SMU1: variants seen among roughly 807,000 people sequenced by gnomAD.
SMU1 encodes WD40 repeat-containing protein SMU1.
Under a neutral mutation model 62.0 loss-of-function variants are expected in SMU1, and 2 were observed. The ratio of observed to expected loss-of-function variants is 0.03; its 90% CI spans 0.01 to 0.10. The LOEUF (loss-of-function observed/expected upper bound fraction) is 0.10. Ranked by LOEUF, SMU1 falls within the 10% of genes least tolerant of loss-of-function variation. SMU1 has a pLI of 1.00. For missense variants in SMU1, 227 were observed against 622.1 expected (o/e 0.36, Z 6.76); for synonymous variants, 188 against 212.4 (o/e 0.89, Z 1.00).
At chr9:33,060,289 G>C (rs1839348778) in intron 6 of SMU1, among the ~76,000 whole-genome samples, 176 bp downstream of exon 6, 1 of 152,162 alleles carries the variant, frequency 6.6e-6, no homozygotes, top group South Asian at 2.1e-4. Flanking sequence ...CAGTAGCTAG[G>C]ACCACAGGTG....
At chr9:33,052,349 T>C (rs1282056184) in intron 10 of SMU1, among the ~76,000 whole-genome samples, 1 of 152,132 alleles carries the variant, frequency 6.6e-6, no homozygotes, top group East Asian at 1.9e-4. Flanking sequence ...TAAAGTATTT[T>C]AAAAAGTCAA....
intron 6 of SMU1, among the ~76,000 whole-genome samples, chr9:33,059,132 A>T (rs1405000620): frequency 1.3e-5 from 2 of 152,242 alleles, no homozygotes; most frequent in East Asian, 3.9e-4. Flanking sequence ...GGGTGGTTAA[A>T]TACATCATGG....
At position 33,068,887 on chromosome 9, in the gene SMU1, G is replaced by A. The variant is rs1234551187; in HGVS notation, c.438C>T (p.Ala146=). The change falls in exon 4 of 12, where the codon GCC becomes GCT. Residue 146 remains alanine, a synonymous_variant. Transcript: ENST00000397149. ...CACTGACTTCGCCAGCTAAGGCCTG[G>A]GCAATTGCTGCTCTTCTCTTTTCTT... is the stretch of plus-strand genomic sequence containing the variant. The part of the protein sequence containing the change: ...SSKEKRRAAI[A]QALAGEVSVV... 6.2e-7 allele frequency: 1 copy of A among 1,614,044 alleles called. No individual in the cohort carries two copies. Among genetic ancestry groups the A allele is most frequent in the South Asian group, 1.1e-5 (1 of 91,070 alleles).
rs748247442 is a variant in SMU1 at position 33,073,653 on chromosome 9, C to T, written c.180G>A (p.Leu60=). ...DINSGHWDTV[L]QAIQSLKLPD... is the part of the protein sequence containing the mutation. ...GCAATTTCAGAGACTGTATAGCCTG[C>T]AACACAGTATCCCAATGGCCACTGT... Residue 60 remains leucine, a synonymous_variant, in exon 2 of 12, where the codon TTG becomes TTA. Transcript: ENST00000397149. 1.9e-6 allele frequency: 3 copies of T among 1,613,258 alleles called. No individual in the cohort carries two copies. The South Asian group carries it at 3.3e-5, about 18-fold the overall frequency.
At chr9:33,049,602 TA>T (rs1010203240) in intron 10 of SMU1, among the ~76,000 whole-genome samples, 1 of 152,216 alleles carries the variant, frequency 6.6e-6, no homozygotes, top group African/African-American at 2.4e-5. Flanking sequence ...TAGACTTCAT[TA>T]AAATTAAAAT....
At chr9:33,072,294 G>C (rs896781049) in intron 2 of SMU1, among the ~76,000 whole-genome samples, 1 of 151,718 alleles carries the variant, frequency 6.6e-6, no homozygotes, top group African/African-American at 2.4e-5. Flanking sequence ...CCAAGCTCAT[G>C]CTACTGTACT....
chr9:33,071,728 C>A lies in SMU1; in HGVS notation c.390+12G>T. The A allele has an allele frequency of 6.3e-7, 1 of 1,593,510 alleles. No homozygotes were observed. Among genetic ancestry groups the A allele is most frequent in the East Asian group, 2.3e-5 (1 of 44,278 alleles). On this transcript the variant is annotated intron_variant, in intron 3 of 11. Transcript: ENST00000397149. The stretch of plus-strand genomic sequence containing the variant: ...GTTAACAAAAAGTTCCTTTTCATTA[C>A]CACAGTCATACCTCACGAGGATCAA...
intron 9 of SMU1, 63 bp from the exon 10 acceptor site, chr9:33,053,353 G>A: frequency 4.1e-6 from 6 of 1,464,088 alleles, no homozygotes; most frequent in Non-Finnish European, 5.6e-6. Context: ...AAGTTTTAGG[G>A]TTTAAAATAT....
rs567847048 is a variant in SMU1, at chr9:33,071,029, G to A, written c.390+711C>T. 2.6e-5 allele frequency among the ~76,000 whole-genome samples: 4 copies of A among 152,158 alleles called. No individual in the cohort carries two copies. The East Asian group carries it at 7.7e-4, about 29-fold the overall frequency. On this transcript the variant is annotated intron_variant, in intron 3 of 11. Coordinates refer to ENST00000397149, the MANE Select transcript of SMU1 (RefSeq NM_018225.3). ...AATAACTGAAAGAATTGAATTGTTT[G>A]TAACACAAAGGATACATGCTTGAGG...
chr9:33,073,821 A>ATCGTTCAGCT lies in SMU1; in HGVS notation c.27-25_27-16dup. The ATCGTTCAGCT allele has an allele frequency of 6.2e-7, 1 of 1,612,206 alleles. No individual in the cohort carries two copies. The highest frequency in any genetic ancestry group is 1.7e-5 in the Admixed American group (1 of 59,990). ...GGCGGATCACACTGAAAGAAAACAA[A>ATCGTTCAGCT]TCGTTCAGCTCAGGGATTCTCACTC... On this transcript the variant is annotated splice_polypyrimidine_tract_variant and intron_variant, in intron 1 of 11. Coordinates refer to ENST00000397149, the MANE Select transcript of SMU1 (RefSeq NM_018225.3).
chr9:33,068,376 G>A (rs1839446292), intron 4 of SMU1, among the ~76,000 whole-genome samples: 1 of 152,196 alleles, frequency 6.6e-6, no homozygotes, highest in African/African-American at 2.4e-5. Flanking sequence ...GAAAGAGGGA[G>A]AGTGGAACAG....
chr9:33,058,965 A>G (rs2119434075), intron 6 of SMU1, among the ~76,000 whole-genome samples: 1 of 152,246 alleles, frequency 6.6e-6, no homozygotes, highest in East Asian at 1.9e-4. Context: ...GGCAAAAGAT[A>G]TTAACAGACT....
At chr9:33,052,607 G>A (rs189314415) in intron 10 of SMU1, among the ~76,000 whole-genome samples, 17 of 152,228 alleles carry the variant, frequency 1.1e-4, no homozygotes, top group South Asian at 1.0e-3. Context: ...CTAGGGCTTG[G>A]GTCCTCAAAC....
At chr9:33,068,688 A>T in intron 4 of SMU1, 136 bp downstream of exon 4, 1 of 991,596 alleles carries the variant, frequency 1.0e-6, no homozygotes, top group Non-Finnish European at 1.4e-6. Flanking sequence ...TACTTTTTGT[A>T]GAGACAGAGT....
At chr9:33,061,664 C>T (rs1399993081) in intron 5 of SMU1, among the ~76,000 whole-genome samples, 2 of 152,282 alleles carry the variant, frequency 1.3e-5, no homozygotes, top group Admixed American at 1.3e-4. Context: ...ACTTTGTAAT[C>T]CCTCACTGGC....
chr9:33,058,859 A>G (rs994732673), intron 6 of SMU1, among the ~76,000 whole-genome samples: 2 of 152,312 alleles, frequency 1.3e-5, no homozygotes, highest in African/African-American at 4.8e-5. Context: ...AAAAGTCAAA[A>G]TTTTAAAGTA....
chr9:33,067,656 G>A (rs766100563), intron 4 of SMU1, among the ~76,000 whole-genome samples: 1 of 151,802 alleles, frequency 6.6e-6, no homozygotes, highest in Non-Finnish European at 1.5e-5. Context: ...CTGCCACCAC[G>A]CCCAGCTAAT....
At position 33,060,912 on chromosome 9, in the gene SMU1, A is replaced by T. The variant is rs1587709670; in HGVS notation, c.631-328T>A. On this transcript the variant is annotated intron_variant, in intron 5 of 11. Transcript: ENST00000397149. ...CAGACTGTAATGTTTTGCTAGAATC[A>T]GCCACTGTTAGCGTGACTTTCACAC... Among the ~76,000 whole-genome samples the T allele has an allele frequency of 2.0e-5, 3 of 152,360 alleles. 1 individual carries two copies. The highest frequency in any genetic ancestry group is 2.0e-4 in the Admixed American group (3 of 15,302).
At chr9:33,065,394 G>C (rs528680959) in intron 4 of SMU1, among the ~76,000 whole-genome samples, 3 of 152,096 alleles carry the variant, frequency 2.0e-5, no homozygotes, top group Non-Finnish European at 4.4e-5. Flanking sequence ...TAGAACACAT[G>C]AGTTTATTTC....
Sources: gnomAD v4.1 joint callset for allele counts (sites outside exome capture counted in the v4.1 genomes callset) on GRCh38, gnomAD v4.1.1 for gene constraint, MANE v1.5 for transcripts, NCBI Gene and HGNC (gene_info 2026-07-23, HGNC 2026-07-21) for gene names.